The following CTNNA1 variants were observed in gnomAD, a reference collection of about 807,000 sequenced individuals.
CTNNA1 encodes catenin alpha-1.
Under a neutral mutation model 98.4 loss-of-function variants are expected in CTNNA1, and 37 were observed. The ratio of observed to expected loss-of-function variants is 0.38; its 90% CI spans 0.29 to 0.49. The LOEUF is 0.49. CTNNA1 is among the 20% of genes least tolerant of loss of function. CTNNA1 has a pLI of 0.95. For synonymous variants in CTNNA1, 404 were observed against 413.2 expected (o/e 0.98, Z 0.27); for missense variants, 761 against 1,147.2 (o/e 0.66, Z 4.86).
At chr5:138,859,775 C>T (rs1423849048) in intron 7 of CTNNA1, among the ~76,000 whole-genome samples, 1 of 152,010 alleles carries the variant, frequency 6.6e-6, no homozygotes, top group Non-Finnish European at 1.5e-5. Flanking sequence ...AGGTGTGGTG[C>T]CATGCACCTG....
At chr5:138,850,539 G>A (rs1464998672) in intron 7 of CTNNA1, among the ~76,000 whole-genome samples, 2 of 152,110 alleles carry the variant, frequency 1.3e-5, no homozygotes, top group East Asian at 3.8e-4. Flanking sequence ...GTAGCCATTA[G>A]GCATTTACCA....
At chr5:138,807,418 C>G (rs1758208859) in intron 3 of CTNNA1, among the ~76,000 whole-genome samples, 2 of 151,976 alleles carry the variant, frequency 1.3e-5, no homozygotes, top group African/African-American at 4.8e-5. Context: ...TTCAGAGTAC[C>G]AAGCCTTCCA....
At chr5:138,807,401 G>C (rs1318938953) in intron 3 of CTNNA1, among the ~76,000 whole-genome samples, 1 of 151,726 alleles carries the variant, frequency 6.6e-6, no homozygotes, top group South Asian at 2.1e-4. Context: ...TTGAGGGATG[G>C]GTTCATTTCA....
At chr5:138,864,111 C>A (rs1056128999) in intron 7 of CTNNA1, among the ~76,000 whole-genome samples, 2 of 152,156 alleles carry the variant, frequency 1.3e-5, no homozygotes, top group African/African-American at 4.8e-5. Context: ...TACAGGTGCA[C>A]CACACCCAGC....
intron 4 of CTNNA1, 24 bp from the exon 5 acceptor site, chr5:138,812,159 T>G: frequency 6.2e-7 from 1 of 1,605,628 alleles, no homozygotes; most frequent in Non-Finnish European, 8.5e-7. Context: ...ATTTTTGGGT[T>G]TTGGGGTCTT....
intron 17 of CTNNA1, 137 bp downstream of exon 17, chr5:138,932,849 T>C: frequency 9.2e-7 from 1 of 1,083,302 alleles, no homozygotes; most frequent in Non-Finnish European, 1.4e-6. Context: ...TGTCCCAGTC[T>C]CTGGAGACCA....
At chr5:138,846,925 A>G (rs957035535) in intron 7 of CTNNA1, among the ~76,000 whole-genome samples, 1 of 152,224 alleles carries the variant, frequency 6.6e-6, no homozygotes, top group Non-Finnish European at 1.5e-5. Flanking sequence ...AAGATTCTGC[A>G]TATAATCACC....
intron 3 of CTNNA1, among the ~76,000 whole-genome samples, chr5:138,789,892 C>T (rs1283943638): frequency 6.6e-6 from 1 of 152,222 alleles, no homozygotes; most frequent in Non-Finnish European, 1.5e-5. Flanking sequence ...AGGGGGAGCT[C>T]TTTCCAGTAT....
rs2150233865 is a variant in CTNNA1, at chr5:138,917,769, G to A, written c.1417G>A (p.Ala473Thr). ...QVINAALALAAKPQSKLAQEN... is the reference protein window; with the variant it reads ...QVINAALALATKPQSKLAQEN... ...TATTAATGCTGCACTGGCTTTAGCA[G>A]CAAAACCACAGAGTAAACTGGCCCA... Residue 473 changes from alanine (A) to threonine (T), a missense_variant, in exon 11 of 18, where the codon GCA (alanine) becomes ACA (threonine). Physicochemically the swap from Ala to Thr is moderately conservative, Grantham distance 58. Transcript: ENST00000302763. 6.2e-7 allele frequency: 1 copy of A among 1,614,100 alleles called. No homozygotes were observed. The highest frequency in any genetic ancestry group is 8.5e-7 in the Non-Finnish European group (1 of 1,180,012).
At chr5:138,923,704 C>G (rs947595960) in intron 11 of CTNNA1, among the ~76,000 whole-genome samples, 11 of 152,178 alleles carry the variant, frequency 7.2e-5, no homozygotes, top group African/African-American at 2.7e-4. Context: ...ATTTATCCAC[C>G]CTTCTCTTGG....
At chr5:138,795,633 C>T (rs1049694725) in intron 3 of CTNNA1, among the ~76,000 whole-genome samples, 1 of 152,040 alleles carries the variant, frequency 6.6e-6, no homozygotes, top group African/African-American at 2.4e-5. Flanking sequence ...TTTGGGCATT[C>T]ATTAAATCCA....
chr5:138,775,848 A>C (rs940563218), intron 1 of CTNNA1, among the ~76,000 whole-genome samples: 2 of 146,834 alleles, frequency 1.4e-5, no homozygotes, highest in African/African-American at 2.5e-5. Flanking sequence ...TTAGCCTTCT[A>C]AGTAGCTGGG....
chr5:138,875,527 A>T (rs1211030550), intron 7 of CTNNA1: 1 of 985,392 alleles, frequency 1.0e-6, no homozygotes. Flanking sequence ...TAAAAACATG[A>T]TATTCCTTCA....
intron 5 of CTNNA1, among the ~76,000 whole-genome samples, chr5:138,814,401 G>A (rs1000048609): frequency 6.6e-6 from 1 of 151,978 alleles, no homozygotes; most frequent in South Asian, 2.1e-4. Context: ...ATTTATTTTT[G>A]TATTGGCTTA....
intron 7 of CTNNA1, among the ~76,000 whole-genome samples, chr5:138,879,167 T>C (rs1268683884): frequency 7.8e-5 from 8 of 102,170 alleles, no homozygotes; most frequent in Admixed American, 6.2e-4. Context: ...TGAGACTCCG[T>C]CTTTAAAAAA....
At chr5:138,916,538 T>C (rs1438432559) in intron 10 of CTNNA1, among the ~76,000 whole-genome samples, 1 of 151,544 alleles carries the variant, frequency 6.6e-6, no homozygotes, top group Non-Finnish European at 1.5e-5. Flanking sequence ...TGTTTGTCTT[T>C]TTGAGGTGGA....
chr5:138,894,285 T>C (rs13185028), intron 9 of CTNNA1, among the ~76,000 whole-genome samples: 28 of 92,208 alleles, frequency 3.0e-4, no homozygotes, highest in Admixed American at 4.7e-4. Context: ...CTTTCTCTTT[T>C]TTTTTTTTTT....
chr5:138,922,931 A>T (rs1580841351), intron 11 of CTNNA1, among the ~76,000 whole-genome samples: 1 of 70,730 alleles, frequency 1.4e-5, no homozygotes, highest in South Asian at 4.0e-4. Context: ...TAAATGGATT[A>T]AAAAAAAAAA....
chr5:138,841,871 C>G (rs1762302038), intron 7 of CTNNA1, among the ~76,000 whole-genome samples: 1 of 152,178 alleles, frequency 6.6e-6, no homozygotes, highest in South Asian at 2.1e-4. Flanking sequence ...TATTTCAAGG[C>G]TTCCTTAAGG....
Sources: allele counts gnomAD v4.1 joint callset (sites outside exome capture counted in the v4.1 genomes callset), GRCh38; gene constraint gnomAD v4.1.1; transcripts MANE v1.5; gene names NCBI Gene and HGNC (gene_info 2026-07-23, HGNC 2026-07-21).